Variants in TSPAN11 observed in about 807,000 individuals in gnomAD.
The protein encoded by TSPAN11 is tetraspanin-11.
In TSPAN11, 29 loss-of-function variants were observed where a neutral mutation model predicts 32.9. That is an observed-to-expected ratio of 0.88 (90% CI 0.66 to 1.20). The LOEUF (loss-of-function observed/expected upper bound fraction) is 1.20. Ranked by LOEUF, TSPAN11 falls within the 50% of genes most tolerant of loss-of-function variation. The pLI is 0.00. For missense variants in TSPAN11, 283 were observed against 329.1 expected (o/e 0.86, Z 1.08); for synonymous variants, 140 against 141.3 (o/e 0.99, Z 0.07).
intron 1 of TSPAN11, among the ~76,000 whole-genome samples, chr12:30,940,554 C>T (rs532838082): frequency 4.9e-4 from 75 of 152,252 alleles, no homozygotes; most frequent in Admixed American, 2.0e-3. Flanking sequence ...TGTTGACAAG[C>T]AGCATAACAT....
the TSPAN11 span, among the ~76,000 whole-genome samples, chr12:31,007,711 T>C: frequency 6.6e-6 from 1 of 152,214 alleles, no homozygotes; most frequent in East Asian, 1.9e-4. Flanking sequence ...TAACATTTAA[T>C]AAATTAGTGA....
downstream of TSPAN11, among the ~76,000 whole-genome samples, chr12:31,001,136 G>C (rs1459804950): frequency 6.6e-6 from 1 of 152,202 alleles, no homozygotes; most frequent in Non-Finnish European, 1.5e-5. Context: ...CATTTGGGCT[G>C]AAAACCTCTC....
intron 2 of TSPAN11, among the ~76,000 whole-genome samples, chr12:30,958,537 T>G (rs972303213): frequency 3.9e-5 from 6 of 152,136 alleles, no homozygotes; most frequent in African/African-American, 1.4e-4. Flanking sequence ...AGGGCTCAGC[T>G]GTGCTCTCTC....
intron 7 of TSPAN11, among the ~76,000 whole-genome samples, chr12:30,990,809 T>A (rs549127572): frequency 3.3e-5 from 5 of 152,228 alleles, no homozygotes; most frequent in Non-Finnish European, 7.3e-5. Flanking sequence ...GGACACTGTT[T>A]CAATACTTAG....
At chr12:30,953,406 C>T (rs528206725) in intron 1 of TSPAN11, among the ~76,000 whole-genome samples, 16 of 152,256 alleles carry the variant, frequency 1.1e-4, no homozygotes, top group African/African-American at 3.6e-4. Context: ...TCCAGAGGCT[C>T]TTGTGCTTCT....
At position 30,926,882 on chromosome 12, in the gene TSPAN11, G is replaced by GCC. The variant is rs776118222; in HGVS notation, c.-12+89_-12+90dup. On this transcript the variant is annotated intron_variant, in intron 1 of 7. Coordinates refer to ENST00000546076, the MANE Select transcript of TSPAN11 (RefSeq NM_001370302.1). ...AGAGGCGCCTCCACCTCCGCTGCCC[G>GCC]CCCCGCCGGCAGTCCCGAGCTAGAC... 1.1e-5 allele frequency: 14 copies of GCC among 1,221,338 alleles called. No homozygotes were observed. In the Admixed American group the frequency reaches 2.2e-4, roughly 19 times the overall value. The allele number at this position is 1,221,338 out of a possible 1,614,324, so 75.7% of individuals were successfully genotyped here. A position where few individuals can be genotyped will look rare whatever the true frequency, so the allele number is the denominator to read the frequency against.
intron 3 of TSPAN11, among the ~76,000 whole-genome samples, chr12:30,970,371 G>A (rs1031182889): frequency 6.6e-6 from 1 of 152,062 alleles, no homozygotes; most frequent in Admixed American, 6.5e-5. Context: ...TTGGAGTTCT[G>A]AAACTGTGTT....
chr12:30,951,447 G>T (rs1241096363), intron 1 of TSPAN11, among the ~76,000 whole-genome samples: 1 of 152,214 alleles, frequency 6.6e-6, no homozygotes, highest in Non-Finnish European at 1.5e-5. Flanking sequence ...GTATTGCACA[G>T]TGGGTAAAAG....
intron 1 of TSPAN11, among the ~76,000 whole-genome samples, chr12:30,941,872 C>T (rs1204332540): frequency 6.6e-6 from 1 of 152,254 alleles, no homozygotes; most frequent in Non-Finnish European, 1.5e-5. Context: ...AGATGAAGGG[C>T]TTCTCTCACT....
chr12:30,969,067 A>G (rs572373326), intron 3 of TSPAN11, among the ~76,000 whole-genome samples: 1 of 152,320 alleles, frequency 6.6e-6, no homozygotes, highest in African/African-American at 2.4e-5. Context: ...TGTGGCTCTA[A>G]TGAACATTCA....
intron 1 of TSPAN11, among the ~76,000 whole-genome samples, chr12:30,949,440 C>T (rs1010975437): frequency 2.6e-5 from 4 of 152,020 alleles, no homozygotes; most frequent in African/African-American, 9.7e-5. Context: ...AGGCAAAAGG[C>T]ACTTCTTACA....
intron 3 of TSPAN11, among the ~76,000 whole-genome samples, chr12:30,973,071 C>A (rs1202126416): frequency 1.3e-5 from 2 of 152,146 alleles, no homozygotes; most frequent in African/African-American, 4.8e-5. Flanking sequence ...CTAAGTGAGC[C>A]CAGTGAGCTC....
chr12:30,929,937 C>A (rs780924050), intron 1 of TSPAN11, among the ~76,000 whole-genome samples: 5 of 152,166 alleles, frequency 3.3e-5, no homozygotes, highest in Non-Finnish European at 5.9e-5. Context: ...CTTTTCTAAG[C>A]CCCATAGGGG....
intron 3 of TSPAN11, among the ~76,000 whole-genome samples, chr12:30,965,842 G>A (rs1938720324): frequency 6.6e-6 from 1 of 152,104 alleles, no homozygotes; most frequent in Non-Finnish European, 1.5e-5. Context: ...TCAGTCAGGT[G>A]TGGCCACAAG....
intron 1 of TSPAN11, among the ~76,000 whole-genome samples, chr12:30,932,145 A>G (rs1156509338): frequency 6.6e-6 from 1 of 152,066 alleles, no homozygotes; most frequent in African/African-American, 2.4e-5. Context: ...GCAGGAAAAG[A>G]TACCATTAAA....
At chr12:30,936,758 T>C (rs909977416) in intron 1 of TSPAN11, among the ~76,000 whole-genome samples, 3 of 152,178 alleles carry the variant, frequency 2.0e-5, no homozygotes, top group African/African-American at 7.2e-5. Flanking sequence ...TTAGGGAGCC[T>C]GTGGTCATGG....
At chr12:30,961,025 C>T (rs1040237697) in intron 2 of TSPAN11, among the ~76,000 whole-genome samples, 1 of 107,146 alleles carries the variant, frequency 9.3e-6, no homozygotes, top group Non-Finnish European at 2.0e-5. Context: ...GGCGACAGAG[C>T]GAGGAAAAAA....
At chr12:30,974,015 C>T (rs548796268) in intron 3 of TSPAN11, among the ~76,000 whole-genome samples, 2 of 152,304 alleles carry the variant, frequency 1.3e-5, no homozygotes, top group South Asian at 2.1e-4. Context: ...AATTCCAGCC[C>T]CGGGGTCCCA....
chr12:30,951,375 G>A (rs1938377772), intron 1 of TSPAN11, among the ~76,000 whole-genome samples: 1 of 152,256 alleles, frequency 6.6e-6, no homozygotes, highest in East Asian at 1.9e-4. Flanking sequence ...CAAATATTAG[G>A]GGAACCAGCA....
Sources: allele counts gnomAD v4.1 joint callset (sites outside exome capture counted in the v4.1 genomes callset), GRCh38; gene constraint gnomAD v4.1.1; transcripts MANE v1.5; gene names NCBI Gene and HGNC (gene_info 2026-07-23, HGNC 2026-07-21).